The following MARCHF11 variants were observed in gnomAD, a reference collection of about 807,000 sequenced individuals.
MARCHF11 encodes E3 ubiquitin-protein ligase MARCHF11.
MARCHF11 carries 29 observed loss-of-function variants against 37.3 expected under a neutral mutation model. The ratio of observed to expected loss-of-function variants is 0.78; its 90% CI spans 0.58 to 1.06. The LOEUF (loss-of-function observed/expected upper bound fraction) is 1.06, where lower values mean the gene tolerates loss of function less well. Among genes scored for constraint, MARCHF11 ranks in the 50% least tolerant of loss-of-function variants. The pLI is 0.00. For missense variants in MARCHF11, 482 were observed against 533.4 expected (o/e 0.90, Z 0.95); for synonymous variants, 233 against 228.0 (o/e 1.02, Z -0.20).
chr5:16,152,873 T>C (rs1250572758), intron 2 of MARCHF11, among the ~76,000 whole-genome samples: 1 of 152,030 alleles, frequency 6.6e-6, no homozygotes, highest in Non-Finnish European at 1.5e-5. Flanking sequence ...ACATAGAGTA[T>C]AAATTATGTT....
At chr5:16,112,652 C>T (rs1049109779) in intron 2 of MARCHF11, among the ~76,000 whole-genome samples, 1 of 152,076 alleles carries the variant, frequency 6.6e-6, no homozygotes, top group Non-Finnish European at 1.5e-5. Flanking sequence ...TCAGTTAAGA[C>T]TTTGGGGGAC....
intron 2 of MARCHF11, among the ~76,000 whole-genome samples, chr5:16,145,577 T>C (rs1737783618): frequency 6.6e-6 from 1 of 152,188 alleles, no homozygotes; most frequent in African/African-American, 2.4e-5. Context: ...ATAACAGTTC[T>C]TTATGGAAGA....
chr5:16,161,446 T>C (rs550072042), intron 2 of MARCHF11, among the ~76,000 whole-genome samples: 1 of 152,064 alleles, frequency 6.6e-6, no homozygotes, highest in African/African-American at 2.4e-5. Flanking sequence ...AGGTTTTAAG[T>C]TATGGATGAC....
intron 2 of MARCHF11, among the ~76,000 whole-genome samples, chr5:16,103,092 T>C (rs578225039): frequency 3.4e-5 from 5 of 147,558 alleles, no homozygotes; most frequent in African/African-American, 4.9e-5. Flanking sequence ...GAAGTCACCA[T>C]GAGATCACTG....
Position 16,067,427 on chromosome 5 carries a change from C to T in MARCHF11, c.*44G>A. On this transcript the variant is annotated 3_prime_UTR_variant, in exon 4 of 4. Transcript: ENST00000332432. Reference sequence around the variant, plus strand: ...TTTGCCATTCACTGCAATTACATTGCAAAATGTGCAGGGTGGTCCACACTG... The same window carrying T: ...TTTGCCATTCACTGCAATTACATTGTAAAATGTGCAGGGTGGTCCACACTG... 6.4e-7 allele frequency: 1 copy of T among 1,556,456 alleles called. No individual in the cohort carries two copies. The highest frequency in any genetic ancestry group is 8.8e-7 in the Non-Finnish European group (1 of 1,141,280).
At chr5:16,132,991 T>C (rs1263008525) in intron 2 of MARCHF11, among the ~76,000 whole-genome samples, 1 of 152,162 alleles carries the variant, frequency 6.6e-6, no homozygotes, top group East Asian at 1.9e-4. Flanking sequence ...ATGTACTTAA[T>C]CAGAGTAAAA....
At chr5:16,146,791 G>A (rs1320400792) in intron 2 of MARCHF11, among the ~76,000 whole-genome samples, 2 of 152,096 alleles carry the variant, frequency 1.3e-5, no homozygotes, top group African/African-American at 2.4e-5. Context: ...TTGAAGGCAG[G>A]CCAGCTAGTG....
At chr5:16,117,088 T>C (rs1037234294) in intron 2 of MARCHF11, among the ~76,000 whole-genome samples, 5 of 152,234 alleles carry the variant, frequency 3.3e-5, no homozygotes, top group African/African-American at 7.2e-5. Flanking sequence ...ACTGCAGTAG[T>C]AACTGCAGCA....
At chr5:16,115,828 T>C (rs1182350095) in intron 2 of MARCHF11, among the ~76,000 whole-genome samples, 2 of 152,084 alleles carry the variant, frequency 1.3e-5, no homozygotes, top group Non-Finnish European at 2.9e-5. Flanking sequence ...GGTTTCACCA[T>C]GTTGGCCAGG....
At chr5:16,143,119 C>T (rs1005951653) in intron 2 of MARCHF11, among the ~76,000 whole-genome samples, 7 of 152,094 alleles carry the variant, frequency 4.6e-5, no homozygotes, top group Admixed American at 3.3e-4. Flanking sequence ...ATTTCTCCTC[C>T]CCTCCTTTCT....
intron 2 of MARCHF11, among the ~76,000 whole-genome samples, chr5:16,106,162 TAA>T: frequency 6.6e-6 from 1 of 152,154 alleles, no homozygotes; most frequent in Non-Finnish European, 1.5e-5. Flanking sequence ...TTGGGAGATA[TAA>T]AAGTCTGACA....
chr5:16,069,158 A>G (rs1736395948), intron 3 of MARCHF11, among the ~76,000 whole-genome samples: 1 of 152,232 alleles, frequency 6.6e-6, no homozygotes, highest in African/African-American at 2.4e-5. Context: ...AAAATGAAAC[A>G]TAGTCATCTG....
intron 2 of MARCHF11, among the ~76,000 whole-genome samples, chr5:16,132,302 G>A (rs1262307942): frequency 6.6e-6 from 1 of 152,176 alleles, no homozygotes; most frequent in Non-Finnish European, 1.5e-5. Context: ...GTTCCTTTTC[G>A]TCTGATCTCA....
At chr5:16,117,534 C>T (rs1737242483) in intron 2 of MARCHF11, among the ~76,000 whole-genome samples, 1 of 152,154 alleles carries the variant, frequency 6.6e-6, no homozygotes, top group African/African-American at 2.4e-5. Context: ...GGTCTTGAGC[C>T]TACAGGAAGG....
intron 2 of MARCHF11, among the ~76,000 whole-genome samples, chr5:16,157,120 CAA>C (rs143606830): frequency 6.6e-6 from 1 of 151,592 alleles, no homozygotes; most frequent in African/African-American, 2.4e-5. Context: ...ACAATAGCTA[CAA>C]AAAAACTTAG....
chr5:16,148,081 AT>A (rs1220265245), intron 2 of MARCHF11, among the ~76,000 whole-genome samples: 1 of 152,088 alleles, frequency 6.6e-6, no homozygotes, highest in African/African-American at 2.4e-5. Flanking sequence ...TCATTTTTAT[AT>A]TATGCACTTT....
At chr5:16,082,153 C>G (rs1053888770) in intron 3 of MARCHF11, among the ~76,000 whole-genome samples, 12 of 152,206 alleles carry the variant, frequency 7.9e-5, no homozygotes, top group Non-Finnish European at 1.5e-4. Flanking sequence ...TCTGCCTCCG[C>G]TTTCCAGGGG....
chr5:16,167,315 C>A (rs1029297022), intron 2 of MARCHF11, among the ~76,000 whole-genome samples: 1 of 152,072 alleles, frequency 6.6e-6, no homozygotes, highest in African/African-American at 2.4e-5. Flanking sequence ...GCATGAGAAT[C>A]AAGAGAGCTG....
chr5:16,067,753 A>G lies in MARCHF11; in HGVS notation c.927T>C (p.Phe309=), dbSNP rs747728373. ...GCAAATTCACAGCTCGCCAGCGCTT[A>G]AACACTCTGTAAACTGCAGCTCCTT... ...VHEGAAVYRV[F]KRWRAVNLHW... The change falls in exon 4 of 4, where the codon TTT becomes TTC. Residue 309 remains phenylalanine, a synonymous_variant. Coordinates refer to ENST00000332432, the MANE Select transcript of MARCHF11 (RefSeq NM_001102562.3). The G allele has an allele frequency of 1.9e-6, 3 of 1,613,688 alleles. No individual in the cohort carries two copies. Among genetic ancestry groups the G allele is most frequent in the South Asian group, 1.1e-5 (1 of 91,090 alleles).
Sources: allele counts gnomAD v4.1 joint callset (sites outside exome capture counted in the v4.1 genomes callset), GRCh38; gene constraint gnomAD v4.1.1; transcripts MANE v1.5; gene names NCBI Gene and HGNC (gene_info 2026-07-23, HGNC 2026-07-21).